The following RGS8 variants were observed in gnomAD, a reference collection of about 807,000 sequenced individuals.
The protein encoded by RGS8 is regulator of G-protein signaling 8.
RGS8 carries 8 observed loss-of-function variants against 21.7 expected under a neutral mutation model. That is an observed-to-expected ratio of 0.37 (90% CI 0.22 to 0.66). The LOEUF is 0.66. RGS8 is among the 30% of genes least tolerant of loss of function. The probability of loss-of-function intolerance (pLI) is 0.59; values close to 1 mark genes in which losing one functional copy is unlikely to be tolerated. For missense variants in RGS8, 157 were observed against 217.9 expected, an observed-to-expected ratio of 0.72 and a Z score of 1.76; for synonymous variants, 80 against 83.6, an observed-to-expected ratio of 0.96 and a Z score of 0.24.
chr1:182,664,205 T>C (rs1663739114), intron 5 of RGS8, among the ~76,000 whole-genome samples: 1 of 152,188 alleles, frequency 6.6e-6, no homozygotes. Flanking sequence ...AATGGCTTAA[T>C]ATTAATAATT....
At chr1:182,662,552 T>C (rs1663643414) in intron 5 of RGS8, among the ~76,000 whole-genome samples, 2 of 152,330 alleles carry the variant, frequency 1.3e-5, no homozygotes, top group Middle Eastern at 6.8e-3. Context: ...TGCTCTTCGC[T>C]TAATTGTCCA....
At chr1:182,705,091 C>T in the RGS8 span, among the ~76,000 whole-genome samples, 28 of 152,104 alleles carry the variant, frequency 1.8e-4, no homozygotes, top group South Asian at 5.0e-3. Flanking sequence ...CCAGAGAAAC[C>T]GAAGCAACAC....
chr1:182,678,162 T>C (rs974597409), intron 1 of RGS8, among the ~76,000 whole-genome samples: 1 of 152,186 alleles, frequency 6.6e-6, no homozygotes, highest in Non-Finnish European at 1.5e-5. Context: ...TCTGAAATAT[T>C]TATAGTTGAA....
the RGS8 span, among the ~76,000 whole-genome samples, chr1:182,709,060 T>G: frequency 2.8e-5 from 3 of 107,360 alleles, no homozygotes; most frequent in Admixed American, 1.6e-4. Flanking sequence ...TTGGTTTTAG[T>G]GGTTCTTCCT....
upstream of RGS8, among the ~76,000 whole-genome samples, chr1:182,687,568 T>A (rs1417252187): frequency 6.6e-6 from 1 of 151,976 alleles, no homozygotes; most frequent in Non-Finnish European, 1.5e-5. Flanking sequence ...GCCAAACAGG[T>A]TGGGGAGGTT....
the RGS8 span, among the ~76,000 whole-genome samples, chr1:182,738,265 AGTT>A: frequency 2.0e-5 from 3 of 152,212 alleles, no homozygotes; most frequent in Non-Finnish European, 2.9e-5. Context: ...AACCTTGAAC[AGTT>A]GTTTAACTTC....
chr1:182,672,795 C>A (rs766896688), upstream of RGS8: 1 of 1,613,900 alleles, frequency 6.2e-7, no homozygotes, highest in Non-Finnish European at 8.5e-7. Context: ...TTTTCCATTT[C>A]TTTCTTCTTT....
chr1:182,677,341 T>C (rs1664398638), upstream of RGS8, among the ~76,000 whole-genome samples: 1 of 152,214 alleles, frequency 6.6e-6, no homozygotes, highest in Non-Finnish European at 1.5e-5. Flanking sequence ...AAACGGCAAA[T>C]AGCTGTTCTG....
exon 7 of RGS8, chr1:182,646,616 C>T: frequency 2.2e-6 from 2 of 914,494 alleles, no homozygotes; most frequent in Non-Finnish European, 3.3e-6. Flanking sequence ...CTCCTCACCC[C>T]CAGCCTCCCA....
At chr1:182,721,008 C>CACACATATATATGTGTGT in the RGS8 span, among the ~76,000 whole-genome samples, 66 of 90,288 alleles carry the variant, frequency 7.3e-4, 1 homozygote, top group Non-Finnish European at 1.3e-3. Context: ...TGTATATATA[C>CACACATATATATGTGTGT]ATATATACAC....
chr1:182,675,075 A>G (rs529277271), upstream of RGS8, among the ~76,000 whole-genome samples: 3 of 152,106 alleles, frequency 2.0e-5, no homozygotes, highest in South Asian at 6.2e-4. Flanking sequence ...GACCCTGCAC[A>G]CTATACTCTT....
chr1:182,677,894 G>A (rs1664418467), upstream of RGS8, among the ~76,000 whole-genome samples: 1 of 152,212 alleles, frequency 6.6e-6, no homozygotes, highest in Non-Finnish European at 1.5e-5. Context: ...GGAGATGTTA[G>A]AGGATTACAC....
intron 5 of RGS8, chr1:182,658,684 T>C (rs1343761202): frequency 1.3e-5 from 2 of 152,326 alleles, no homozygotes; most frequent in African/African-American, 4.8e-5. Context: ...TAAATTGTTT[T>C]TAAACAAATA....
At chr1:182,721,063 G>T in the RGS8 span, among the ~76,000 whole-genome samples, 2 of 72,628 alleles carry the variant, frequency 2.8e-5, no homozygotes, top group Non-Finnish European at 2.7e-5. Flanking sequence ...ATATATGTGT[G>T]TATATATACA....
the RGS8 span, among the ~76,000 whole-genome samples, chr1:182,706,698 C>G: frequency 6.6e-6 from 1 of 151,446 alleles, no homozygotes; most frequent in Non-Finnish European, 1.5e-5. Context: ...AACTCCTGAC[C>G]TCAGATATCC....
At chr1:182,741,882 G>A in the RGS8 span, among the ~76,000 whole-genome samples, 3 of 139,850 alleles carry the variant, frequency 2.1e-5, no homozygotes, top group East Asian at 6.7e-4. Flanking sequence ...GCGGGGGGCT[G>A]ACCCCCCCAC....
chr1:182,654,535 T>G (rs1427303047), intron 5 of RGS8, among the ~76,000 whole-genome samples: 1 of 152,206 alleles, frequency 6.6e-6, no homozygotes, highest in Admixed American at 6.5e-5. Context: ...CACAAACACA[T>G]GAGATAAAGT....
chr1:182,677,121 G>A (rs996788650), upstream of RGS8, among the ~76,000 whole-genome samples: 1 of 152,208 alleles, frequency 6.6e-6, no homozygotes, highest in African/African-American at 2.4e-5. Flanking sequence ...GGAAAAGAAA[G>A]TGTGGTGGAT....
chr1:182,674,422 G>C (rs1237960792), upstream of RGS8, among the ~76,000 whole-genome samples: 1 of 152,142 alleles, frequency 6.6e-6, no homozygotes, highest in African/African-American at 2.4e-5. Context: ...AAAGTGTGTG[G>C]ACATGAATAA....
Sources: allele counts gnomAD v4.1 joint callset (sites outside exome capture counted in the v4.1 genomes callset), GRCh38; gene constraint gnomAD v4.1.1; transcripts MANE v1.5; gene names NCBI Gene and HGNC (gene_info 2026-07-23, HGNC 2026-07-21).